RBFOX1: variants seen among roughly 807,000 people sequenced by gnomAD.
RBFOX1 encodes RNA binding fox-1 homolog 1.
Under a neutral mutation model 57.7 loss-of-function variants are expected in RBFOX1, and 8 were observed. That is an observed-to-expected ratio of 0.14 (90% CI 0.08 to 0.25). The LOEUF is 0.25. RBFOX1 is among the 10% of genes least tolerant of loss of function. The pLI, the probability that RBFOX1 is intolerant of heterozygous loss-of-function variation, is 1.00. For missense variants in RBFOX1, 611 were observed against 548.5 expected, an observed-to-expected ratio of 1.11 and a Z score of -1.14; for synonymous variants, 326 against 222.4, an observed-to-expected ratio of 1.47 and a Z score of -4.15.
intron 3 of RBFOX1, among the ~76,000 whole-genome samples, chr16:6,785,622 A>T (rs62016102): frequency 1.3e-5 from 2 of 152,250 alleles, no homozygotes; most frequent in East Asian, 3.9e-4. Flanking sequence ...TTTCAACTGC[A>T]CAATAACCAT....
At chr16:6,795,979 C>T (rs1603625253) in intron 3 of RBFOX1, among the ~76,000 whole-genome samples, 1 of 151,940 alleles carries the variant, frequency 6.6e-6, no homozygotes, top group Admixed American at 6.6e-5. Flanking sequence ...TTCTAGGAAA[C>T]CAAAGTTTTA....
chr16:7,456,341 A>G (rs1402485477), intron 4 of RBFOX1, among the ~76,000 whole-genome samples: 1 of 152,134 alleles, frequency 6.6e-6, no homozygotes, highest in Non-Finnish European at 1.5e-5. Context: ...TGTGAAGTGA[A>G]TCACCTTTTA....
At chr16:6,515,154 C>A (rs1028346810) in intron 2 of RBFOX1, among the ~76,000 whole-genome samples, 1 of 152,056 alleles carries the variant, frequency 6.6e-6, no homozygotes, top group Non-Finnish European at 1.5e-5. Flanking sequence ...GTGGTCAGAC[C>A]TTGACATTTC....
intron 4 of RBFOX1, among the ~76,000 whole-genome samples, chr16:5,994,411 T>C (rs8052841): frequency 0.75 from 113,648 of 152,154 alleles, 42,801 homozygotes; most frequent in East Asian, 0.85. Flanking sequence ...ATCTCCCTGC[T>C]TTGGCTTCCC....
At chr16:5,642,615 C>A (rs538925342) in intron 3 of RBFOX1, among the ~76,000 whole-genome samples, 3 of 152,108 alleles carry the variant, frequency 2.0e-5, no homozygotes, top group Non-Finnish European at 4.4e-5. Flanking sequence ...TAGCCGCCCC[C>A]CCTTCCCCAG....
chr16:7,568,129 T>C (rs982587281), intron 5 of RBFOX1, among the ~76,000 whole-genome samples: 3 of 151,986 alleles, frequency 2.0e-5, no homozygotes, highest in African/African-American at 7.2e-5. Context: ...ACAAAAAGAA[T>C]TCGAGGTGAA....
At chr16:5,553,718 T>TAC (rs1355951151) in intron 2 of RBFOX1, among the ~76,000 whole-genome samples, 4 of 150,308 alleles carry the variant, frequency 2.7e-5, no homozygotes, top group African/African-American at 5.0e-5. Context: ...TGTGTGTATA[T>TAC]ACACATATAT....
At chr16:7,697,173 T>G (rs567335621) in intron 14 of RBFOX1, among the ~76,000 whole-genome samples, 2 of 152,258 alleles carry the variant, frequency 1.3e-5, no homozygotes, top group African/African-American at 4.8e-5. Context: ...GGGGGGGCCC[T>G]TACAGCTGTC....
At chr16:5,514,417 T>A (rs2043715039) in intron 2 of RBFOX1, among the ~76,000 whole-genome samples, 1 of 152,168 alleles carries the variant, frequency 6.6e-6, no homozygotes. Context: ...AATGGTGAGT[T>A]TTCCTTTCTG....
chr16:6,431,532 C>G (rs540838696), intron 2 of RBFOX1, among the ~76,000 whole-genome samples: 8 of 152,056 alleles, frequency 5.3e-5, no homozygotes, highest in African/African-American at 1.7e-4. Flanking sequence ...TCAGAGAAAT[C>G]TACAAGCAGA....
intron 1 of RBFOX1, among the ~76,000 whole-genome samples, chr16:5,409,253 C>T (rs984780446): frequency 2.0e-5 from 3 of 152,164 alleles, no homozygotes; most frequent in Non-Finnish European, 2.9e-5. Flanking sequence ...TGTGTGGCTG[C>T]GATGGACAGT....
intron 3 of RBFOX1, among the ~76,000 whole-genome samples, chr16:6,872,081 C>G (rs1271715937): frequency 1.3e-5 from 2 of 152,048 alleles, no homozygotes; most frequent in African/African-American, 2.4e-5. Context: ...CCTTCTTTGT[C>G]TTTTCACAGC....
chr16:6,160,559 A>G (rs534272581), intron 1 of RBFOX1, among the ~76,000 whole-genome samples: 10 of 152,276 alleles, frequency 6.6e-5, no homozygotes, highest in Admixed American at 5.9e-4. Context: ...CAGATCCTGC[A>G]TCTAGATTCT....
intron 3 of RBFOX1, among the ~76,000 whole-genome samples, chr16:6,972,036 G>T (rs1363145321): frequency 1.3e-5 from 2 of 152,174 alleles, no homozygotes; most frequent in Non-Finnish European, 2.9e-5. Flanking sequence ...GGGGAACAGA[G>T]AGGGTCAAAG....
chr16:7,428,538 T>TATTATG (rs1269537540), intron 4 of RBFOX1, among the ~76,000 whole-genome samples: 1 of 146,754 alleles, frequency 6.8e-6, no homozygotes. Context: ...TTATTATTAT[T>TATTATG]ATTTGTAGTT....
intron 2 of RBFOX1, among the ~76,000 whole-genome samples, chr16:6,459,121 G>T (rs1224500513): frequency 6.6e-6 from 1 of 152,132 alleles, no homozygotes; most frequent in Non-Finnish European, 1.5e-5. Flanking sequence ...GGATCCCGAG[G>T]TCAGCAGATC....
chr16:6,645,987 A>G (rs1257698488), intron 2 of RBFOX1, among the ~76,000 whole-genome samples: 1 of 152,146 alleles, frequency 6.6e-6, no homozygotes. Context: ...GTCGCCAGCA[A>G]GTGAGCCTCC....
At chr16:6,057,654 G>C (rs2095630846) in intron 1 of RBFOX1, among the ~76,000 whole-genome samples, 1 of 152,034 alleles carries the variant, frequency 6.6e-6, no homozygotes, top group Admixed American at 6.6e-5. Flanking sequence ...CTAATGTAAT[G>C]ACTTCGAGAT....
At chr16:7,011,576 T>C (rs546966212) in intron 3 of RBFOX1, among the ~76,000 whole-genome samples, 6 of 152,278 alleles carry the variant, frequency 3.9e-5, no homozygotes, top group Non-Finnish European at 8.8e-5. Context: ...TGCAGTGGCA[T>C]GATCTCGGCT....
Sources: gnomAD v4.1 joint callset for allele counts (sites outside exome capture counted in the v4.1 genomes callset) on GRCh38, gnomAD v4.1.1 for gene constraint, MANE v1.5 for transcripts, NCBI Gene and HGNC (gene_info 2026-07-23, HGNC 2026-07-21) for gene names.